Variants in PISD observed in about 807,000 individuals in gnomAD.
PISD encodes the protein phosphatidylserine decarboxylase, also known as phosphatidylserine decarboxylase proenzyme, mitochondrial.
PISD carries 31 observed loss-of-function variants against 43.5 expected under a neutral mutation model. The observed-to-expected ratio is 0.71, with a 90% CI of 0.54 to 0.96. PISD has a LOEUF of 0.96. Ranked by LOEUF, PISD falls within the 40% of genes least tolerant of loss-of-function variation. The pLI, the probability that PISD is intolerant of heterozygous loss-of-function variation, is 0.00. For synonymous variants in PISD, 259 were observed against 228.7 expected, an observed-to-expected ratio of 1.13 and a Z score of -1.20; for missense variants, 523 against 548.4, an observed-to-expected ratio of 0.95 and a Z score of 0.46.
intron 3 of PISD, chr22:31,632,436 G>A (rs144643824): frequency 6.5e-6 from 1 of 154,212 alleles, no homozygotes; most frequent in African/African-American, 2.4e-5. Context: ...CACTACGGGA[G>A]GTCCTCAAAT....
chr22:31,622,573 A>AGGACTT (rs1194389838), intron 3 of PISD, among the ~76,000 whole-genome samples: 2 of 151,626 alleles, frequency 1.3e-5, no homozygotes, highest in African/African-American at 4.9e-5. Context: ...GCCCCACGGC[A>AGGACTT]GGACTTGTGT....
rs1569491391 is a variant in PISD, at chr22:31,648,259, T to TG, written c.162dup (p.Thr55HisfsTer30). On this transcript the variant is annotated frameshift_variant, in exon 3 of 8. Transcript: ENST00000439502. LOFTEE classifies it high-confidence loss of function. ...AGGAACATGGTTCGGGCAGGGGCAGTGTGGATTTTTCTGGCATCTGTAATA... is the reference window on the plus strand; with the variant it reads ...AGGAACATGGTTCGGGCAGGGGCAGTGGTGGATTTTTCTGGCATCTGTAATA... The TG allele has an allele frequency of 6.2e-7, 1 of 1,608,582 alleles. No individual in the cohort carries two copies. Among genetic ancestry groups the TG allele is most frequent in the Non-Finnish European group, 8.5e-7 (1 of 1,178,202 alleles).
intron 3 of PISD, among the ~76,000 whole-genome samples, chr22:31,644,014 C>T (rs189978723): frequency 6.6e-6 from 1 of 151,722 alleles, no homozygotes; most frequent in Admixed American, 6.6e-5. Context: ...CGCCACTGCA[C>T]TCCAGCCTGG....
At chr22:31,619,875 C>T (rs372892305) in intron 7 of PISD, 39 bp from the exon 8 acceptor site, 9 of 1,383,404 alleles carry the variant, frequency 6.5e-6, no homozygotes, top group Non-Finnish European at 7.1e-6. Context: ...GCCCAGGCCA[C>T]CAAGTGCACA....
intron 3 of PISD, among the ~76,000 whole-genome samples, chr22:31,635,016 A>G (rs1417923392): frequency 6.6e-6 from 1 of 151,404 alleles, no homozygotes; most frequent in African/African-American, 2.4e-5. Context: ...AAAATACAAA[A>G]TTACTCAGGT....
chr22:31,662,310 G>A (rs1601474940), upstream of PISD: 5 of 1,223,872 alleles, frequency 4.1e-6, no homozygotes, highest in African/African-American at 1.5e-5. Flanking sequence ...GAAAAGCGCG[G>A]GTTGGGGGCG....
chr22:31,623,890 G>A, intron 3 of PISD: 1 of 1,588,564 alleles, frequency 6.3e-7, no homozygotes, highest in East Asian at 2.2e-5. Flanking sequence ...TCAGTGGCCA[G>A]GCTCTGGGCA....
At chr22:31,661,002 TGAG>T (rs1462533816) in intron 1 of PISD, among the ~76,000 whole-genome samples, 2 of 152,194 alleles carry the variant, frequency 1.3e-5, no homozygotes, top group Non-Finnish European at 2.9e-5. Context: ...ACCAAAGTGC[TGAG>T]GTTACAGGCG....
chr22:31,651,124 T>C (rs5998070), intron 1 of PISD, among the ~76,000 whole-genome samples: 17,181 of 151,968 alleles, frequency 0.11, 1,135 homozygotes, highest in African/African-American at 0.18. Context: ...CCACCACACC[T>C]GGCTAACTTT....
In PISD at chr22:31,619,161, T is replaced by G; in HGVS notation, c.*451A>C. The G allele has an allele frequency of 3.7e-6, 1 of 267,852 alleles. No homozygotes were observed. The highest frequency in any genetic ancestry group is 7.4e-6 in the Non-Finnish European group (1 of 134,790). The allele number at this position is 267,852 out of a possible 1,614,324, so 16.6% of individuals were successfully genotyped here. A position where few individuals can be genotyped will look rare whatever the true frequency, so the allele number is the denominator to read the frequency against. On this transcript the variant is annotated 3_prime_UTR_variant, in exon 8 of 8. Coordinates refer to ENST00000439502, the MANE Select transcript of PISD (RefSeq NM_001326411.2). Reference sequence around the variant, plus strand: ...TCTGCTGGGGGAGAGGCATCCACAGTCTGTGCCAAGGAGGCACCTCACCCT... The same window carrying G: ...TCTGCTGGGGGAGAGGCATCCACAGGCTGTGCCAAGGAGGCACCTCACCCT...
At chr22:31,655,883 C>T (rs896349506) in intron 1 of PISD, among the ~76,000 whole-genome samples, 1 of 152,072 alleles carries the variant, frequency 6.6e-6, no homozygotes, top group Admixed American at 6.6e-5. Context: ...GTGATCCACC[C>T]ACCTTGGCCT....
chr22:31,627,476 C>G (rs2072970768), intron 3 of PISD, among the ~76,000 whole-genome samples: 1 of 152,270 alleles, frequency 6.6e-6, no homozygotes, highest in Non-Finnish European at 1.5e-5. Context: ...CTCCCTGGCC[C>G]ACCAGGCTCC....
chr22:31,645,444 C>G (rs1330163959), intron 3 of PISD, among the ~76,000 whole-genome samples: 1 of 150,768 alleles, frequency 6.6e-6, no homozygotes, highest in Non-Finnish European at 1.5e-5. Context: ...GTGGCGCACA[C>G]CTATAATCCA....
chr22:31,619,615 G>A lies in PISD; in HGVS notation c.1227C>T (p.Leu409=). 1 of 1,612,408 alleles carries A rather than the reference G, an allele frequency of 6.2e-7. No homozygotes were observed. The highest frequency in any genetic ancestry group is 8.5e-7 in the Non-Finnish European group (1 of 1,178,510). Residue 409 remains leucine (L), a synonymous_variant, in exon 8 of 8, where the codon CTC becomes CTT. Transcript: ENST00000439502. ...AGCCATAATCAGGAAAGAGACTCTAGAGCGAGCCCAGGGCTTCCCCAAAGC... is the reference window on the plus strand; with the variant it reads ...AGCCATAATCAGGAAAGAGACTCTAAAGCGAGCCCAGGGCTTCCCCAAAGC... ...KIRFGEALGS[L]
At position 31,630,484 on chromosome 22, in the gene PISD, G is replaced by C. The variant is rs1228770804; in HGVS notation, c.322-8599C>G. 6.5e-6 allele frequency: 1 copy of C among 154,108 alleles called. No individual in the cohort carries two copies. The highest frequency in any genetic ancestry group is 2.1e-4 in the South Asian group (1 of 4,860). 9.5% of individuals were successfully genotyped at this position (154,108 alleles called of 1,614,324 possible). On this transcript the variant is annotated intron_variant, in intron 3 of 7. Coordinates refer to ENST00000439502, the MANE Select transcript of PISD (RefSeq NM_001326411.2). This position sits in a 1 kb window ranked among gnomAD's most constrained non-coding sequence, Gnocchi z 4.4. ...CTGCAGGCACCCCCTCACTTCCCGC[G>C]GCCGCCTCACTTCCCGTACGCTCTT...
chr22:31,619,295 T>C lies in PISD; in HGVS notation c.*317A>G. 3.3e-6 allele frequency: 1 copy of C among 302,102 alleles called. No individual in the cohort carries two copies. The highest frequency in any genetic ancestry group is 6.4e-6 in the Non-Finnish European group (1 of 155,398). The allele number at this position is 302,102 out of a possible 1,614,324, so 18.7% of individuals were successfully genotyped here. On this transcript the variant is annotated 3_prime_UTR_variant, in exon 8 of 8. Coordinates refer to ENST00000439502, the MANE Select transcript of PISD (RefSeq NM_001326411.2). ...AACGACAACCGAGACCAACTGAAGGTTCGGTCAGGAATGCAGGCTCTTCCG... is the reference window on the plus strand; with the variant it reads ...AACGACAACCGAGACCAACTGAAGGCTCGGTCAGGAATGCAGGCTCTTCCG...
At chr22:31,625,988 C>T (rs1815339814) in intron 3 of PISD, 1 of 1,462,014 alleles carries the variant, frequency 6.8e-7, no homozygotes, top group South Asian at 1.4e-5. Flanking sequence ...GTCTCGGTGG[C>T]TCACAGGGTG....
At chr22:31,623,161 AG>A (rs2072676822) in intron 3 of PISD, among the ~76,000 whole-genome samples, 1 of 152,208 alleles carries the variant, frequency 6.6e-6, no homozygotes, top group Non-Finnish European at 1.5e-5. Context: ...GCCAAGGGCA[AG>A]AGCAAGCCCT....
At position 31,620,716 on chromosome 22, in the gene PISD, G is replaced by T. The variant is rs1265232464; in HGVS notation, c.845-3C>A. ...AGGGTTCACTGACATCAGGGAGCCT[G>T]CAGAGGCAGGGAATGCCGCTACTCC... On this transcript the variant is annotated splice_region_variant and splice_polypyrimidine_tract_variant and intron_variant, in intron 6 of 7. Coordinates refer to ENST00000439502, the MANE Select transcript of PISD (RefSeq NM_001326411.2). 6.2e-7 allele frequency: 1 copy of T among 1,614,148 alleles called. No individual in the cohort carries two copies. Among genetic ancestry groups the T allele is most frequent in the South Asian group, 1.1e-5 (1 of 91,086 alleles).
Sources: allele counts gnomAD v4.1 joint callset (sites outside exome capture counted in the v4.1 genomes callset), GRCh38; gene constraint gnomAD v4.1.1; non-coding constraint Gnocchi (gnomAD v3.1); transcripts MANE v1.5; gene names NCBI Gene and HGNC (gene_info 2026-07-23, HGNC 2026-07-21).